The following CNOT1 variants were observed in gnomAD, a reference collection of about 807,000 sequenced individuals.
CNOT1 encodes the protein CCR4-associated factor 1.
CNOT1 carries 15 observed loss-of-function variants against 273.8 expected under a neutral mutation model. That is an observed-to-expected ratio of 0.05 (90% CI 0.04 to 0.08). The LOEUF is 0.08. Among genes scored for constraint, CNOT1 ranks in the 10% least tolerant of loss-of-function variants. The probability of loss-of-function intolerance (pLI) is 1.00; values close to 1 mark genes in which losing one functional copy is unlikely to be tolerated. For missense variants in CNOT1, 1,644 were observed against 2,912.2 expected (o/e 0.56, Z 10.02); for synonymous variants, 1,022 against 1,005.5 (o/e 1.02, Z -0.31).
intron 1 of CNOT1, among the ~76,000 whole-genome samples, chr16:58,617,354 G>A (rs1406271882): frequency 6.6e-6 from 1 of 151,544 alleles, no homozygotes; most frequent in African/African-American, 2.4e-5. Context: ...GAGCAAGAGT[G>A]TCTCAAAAAA....
At position 58,528,385 on chromosome 16, in the gene CNOT1, T is replaced by A. The variant is rs74325935; in HGVS notation, c.6453+90A>T. 3.1e-3 allele frequency: 2,748 copies of A among 875,688 alleles called. 16 individuals are homozygous for A. The highest frequency in any genetic ancestry group is 3.6e-3 in the Admixed American group (192 of 52,874). 54.2% of individuals were successfully genotyped at this position (875,688 alleles called of 1,614,324 possible). Reference sequence around the variant, plus strand: ...CTTAACTAATAGTGTGCGTGTTATGTTGGGTAGGAAAGTGCTGAACAGTCT... The same window carrying A: ...CTTAACTAATAGTGTGCGTGTTATGATGGGTAGGAAAGTGCTGAACAGTCT... On this transcript the variant is annotated intron_variant, in intron 44 of 48. Transcript: ENST00000317147.
intron 1 of CNOT1, among the ~76,000 whole-genome samples, chr16:58,614,091 C>CAAA (rs377347672): frequency 1.5e-4 from 8 of 51,934 alleles, no homozygotes; most frequent in Non-Finnish European, 2.2e-4. Context: ...GACACTGTCT[C>CAAA]AAAAAAAAAA....
chr16:58,590,611 G>A (rs1289246714), intron 2 of CNOT1, among the ~76,000 whole-genome samples: 1 of 151,222 alleles, frequency 6.6e-6, no homozygotes, highest in African/African-American at 2.4e-5. Context: ...AAAAAAAATA[G>A]AACAGAGTCT....
At chr16:58,606,246 A>T (rs1044737441) in intron 1 of CNOT1, among the ~76,000 whole-genome samples, 2 of 152,038 alleles carry the variant, frequency 1.3e-5, no homozygotes, top group African/African-American at 4.8e-5. Context: ...CTGTAATTAA[A>T]ATATAAGAAA....
chr16:58,616,329 C>G (rs1339685429), intron 1 of CNOT1, among the ~76,000 whole-genome samples: 7 of 124,440 alleles, frequency 5.6e-5, no homozygotes, highest in African/African-American at 1.9e-4. Flanking sequence ...TGGTCTTGAA[C>G]TCCTGACCTC....
intron 16 of CNOT1, among the ~76,000 whole-genome samples, chr16:58,561,466 T>C (rs905831626): frequency 1.3e-5 from 2 of 152,174 alleles, no homozygotes; most frequent in South Asian, 4.1e-4. Flanking sequence ...AGATAATACA[T>C]GTACTTATAG....
At chr16:58,534,577 C>G (rs2039869590) in intron 39 of CNOT1, among the ~76,000 whole-genome samples, 182 bp from the exon 40 acceptor site, 1 of 152,094 alleles carries the variant, frequency 6.6e-6, no homozygotes, top group South Asian at 2.1e-4. Context: ...TGACAGAATT[C>G]CTCCAGTTTT....
intron 1 of CNOT1, among the ~76,000 whole-genome samples, 156 bp from the exon 2 acceptor site, chr16:58,599,667 G>A (rs2042393908): frequency 6.6e-6 from 1 of 152,166 alleles, no homozygotes; most frequent in Non-Finnish European, 1.5e-5. Flanking sequence ...TCGTCTCTGT[G>A]TTAGTACCTA....
chr16:58,555,403 T>A lies in CNOT1; in HGVS notation c.2739A>T (p.Thr913=). ...PQYPDKELHI[T]ACLFGGIIEK... ...CAATTATACCACCAAATAGGCAGGC[T>A]GTTATATGTAACTCTTTATCAGGAT... The change falls in exon 21 of 49, where the codon ACA becomes ACT. Residue 913 remains threonine, a synonymous_variant. Coordinates refer to ENST00000317147, the MANE Select transcript of CNOT1 (RefSeq NM_016284.5). 6.2e-7 allele frequency: 1 copy of A among 1,614,244 alleles called. No individual in the cohort carries two copies.
chr16:58,618,638 G>C (rs1044550340), intron 1 of CNOT1, among the ~76,000 whole-genome samples: 10 of 141,312 alleles, frequency 7.1e-5, no homozygotes, highest in African/African-American at 2.8e-4. Context: ...GCGACACAGA[G>C]AAACCCTGTC....
rs1373317112 is a variant in CNOT1 at position 58,627,402 on chromosome 16, T to G, written c.-175+2326A>C. Among the ~76,000 whole-genome samples, 6 of 4,480 alleles carry G rather than the reference T, an allele frequency of 1.3e-3. No individual in the cohort carries two copies. The East Asian group carries it at 0.015, about 11-fold the overall frequency. The allele number at this position is 4,480 out of a possible 152,430, so 2.9% of individuals were successfully genotyped here. Reference sequence around the variant, plus strand: ...CCTGGTGACAGAGCGAGACTCCATCTCAAAAAAAAAAAAAAAAAAAAAGTT... The same window carrying G: ...CCTGGTGACAGAGCGAGACTCCATCGCAAAAAAAAAAAAAAAAAAAAAGTT... On this transcript the variant is annotated intron_variant, in intron 1 of 48. Transcript: ENST00000317147.
chr16:58,569,465 GA>G (rs2041185127), intron 16 of CNOT1, among the ~76,000 whole-genome samples: 1 of 150,928 alleles, frequency 6.6e-6, no homozygotes, highest in African/African-American at 2.4e-5. Flanking sequence ...CAAAAGAACT[GA>G]AGGAAAACAT....
At chr16:58,595,728 T>C (rs917280654) in intron 2 of CNOT1, among the ~76,000 whole-genome samples, 4 of 152,086 alleles carry the variant, frequency 2.6e-5, no homozygotes, top group Non-Finnish European at 4.4e-5. Flanking sequence ...GAAGGGGCCC[T>C]AATGACTCCT....
chr16:58,551,372 G>T, intron 23 of CNOT1, 100 bp from the exon 24 acceptor site: 2 of 1,296,044 alleles, frequency 1.5e-6, no homozygotes, highest in Non-Finnish European at 2.1e-6. Flanking sequence ...AAATACACAT[G>T]GTATGACTGT....
chr16:58,582,741 G>A (rs1448676406), intron 10 of CNOT1, 52 bp downstream of exon 10: 2 of 1,077,276 alleles, frequency 1.9e-6, no homozygotes, highest in Non-Finnish European at 2.9e-6. Flanking sequence ...GCTTTCTTTG[G>A]ACTATATCAT....
intron 1 of CNOT1, among the ~76,000 whole-genome samples, chr16:58,620,925 A>G (rs992203631): frequency 2.0e-5 from 3 of 152,204 alleles, no homozygotes; most frequent in African/African-American, 7.2e-5. Flanking sequence ...TGTGAAATAA[A>G]CCCAAAAACC....
At chr16:58,551,970 C>T (rs2040464219) in intron 22 of CNOT1, 151 bp from the exon 23 acceptor site, 8 of 957,016 alleles carry the variant, frequency 8.4e-6, no homozygotes, top group South Asian at 5.5e-5. Context: ...GGCACTAATA[C>T]ATAAGTAGAT....
chr16:58,557,840 A>G lies in CNOT1; in HGVS notation c.2332+633T>C, dbSNP rs371762728. Among the ~76,000 whole-genome samples, 1,009 of 152,162 alleles carry G rather than the reference A, an allele frequency of 6.6e-3. 8 individuals carry two copies. Among genetic ancestry groups the G allele is most frequent in the African/African-American group, 0.023 (951 of 41,510 alleles). On this transcript the variant is annotated intron_variant, in intron 18 of 48. Transcript: ENST00000317147. ...CCTGTCTCTACTAAAAATACAAAAA[A>G]TTAGCATGGCATGGTGGCGGGCACC...
chr16:58,599,442 T>A lies in CNOT1; in HGVS notation c.-105A>T. On this transcript the variant is annotated 5_prime_UTR_variant, in exon 2 of 49. Transcript: ENST00000317147. ...TAATGCTTTCTTTGTAATTAGGCTA[T>A]ATCTGGTATCTGTATAATATCTTCA... 7.4e-7 allele frequency: 1 copy of A among 1,343,044 alleles called. No individual in the cohort carries two copies. Among genetic ancestry groups the A allele is most frequent in the African/African-American group, 1.4e-5 (1 of 69,312 alleles). The allele number at this position is 1,343,044 out of a possible 1,614,324, so 83.2% of individuals were successfully genotyped here.
Sources: allele counts gnomAD v4.1 joint callset (sites outside exome capture counted in the v4.1 genomes callset), GRCh38; gene constraint gnomAD v4.1.1; transcripts MANE v1.5; gene names NCBI Gene and HGNC (gene_info 2026-07-23, HGNC 2026-07-21).